Variants in RASA3 observed in about 807,000 individuals in gnomAD.
The protein encoded by RASA3 is RAS p21 protein activator 3.
In RASA3, 73 loss-of-function variants were observed where a neutral mutation model predicts 110.0. The ratio of observed to expected loss-of-function variants is 0.66; its 90% CI spans 0.55 to 0.81. The LOEUF is 0.81. Ranked by LOEUF, RASA3 falls within the 30% of genes least tolerant of loss-of-function variation. The pLI, the probability that RASA3 is intolerant of heterozygous loss-of-function variation, is 0.00. For missense variants in RASA3, 976 were observed against 1,113.2 expected (o/e 0.88, Z 1.75); for synonymous variants, 500 against 451.4 (o/e 1.11, Z -1.37).
chr13:114,015,411 G>A, intron 13 of RASA3, 79 bp from the exon 14 acceptor site: 5 of 1,570,852 alleles, frequency 3.2e-6, no homozygotes, highest in Non-Finnish European at 3.5e-6. Flanking sequence ...GCCCAGGGAG[G>A]GGCGCGTGGG....
chr13:114,069,455 TTGGGGGGCTGG>T (rs2079517142), intron 2 of RASA3, among the ~76,000 whole-genome samples: 2 of 63,230 alleles, frequency 3.2e-5, no homozygotes, highest in Middle Eastern at 0.011. Context: ...ACCGGGAGAC[TTGGGGGGCTGG>T]GAGACTCGGG....
At chr13:114,012,326 G>A (rs532178840) in intron 15 of RASA3, among the ~76,000 whole-genome samples, 18 of 147,984 alleles carry the variant, frequency 1.2e-4, no homozygotes, top group African/African-American at 4.0e-4. Flanking sequence ...CCCACGCACC[G>A]TCCACACACT....
rs139733851 is a variant in RASA3, at chr13:114,034,483, G to A, written c.373-4596C>T. Among the ~76,000 whole-genome samples the A allele has an allele frequency of 8.2e-3, 1,249 of 152,264 alleles. 22 individuals carry two copies. The highest frequency in any genetic ancestry group is 0.028 in the African/African-American group (1,173 of 41,536). On this transcript the variant is annotated intron_variant, in intron 4 of 23. Transcript: ENST00000334062. ...CCGTGTGCTCTCCCGGCTCCTGGCC[G>A]GGTCCAGGGGCACCTGGCTGGTCAC...
chr13:114,092,896 C>T (rs1403031790), intron 1 of RASA3, among the ~76,000 whole-genome samples: 1 of 152,080 alleles, frequency 6.6e-6, no homozygotes, highest in African/African-American at 2.4e-5. Flanking sequence ...GCTGAATTGA[C>T]CTCCTTTTGT....
chr13:114,033,333 C>A (rs548098943), intron 4 of RASA3, among the ~76,000 whole-genome samples: 2 of 88,440 alleles, frequency 2.3e-5, no homozygotes, highest in Non-Finnish European at 4.4e-5. Flanking sequence ...CGTTCCACGG[C>A]ACCCCCACAC....
In RASA3 at chr13:114,056,036, C is replaced by T. The variant is rs1266867107; in HGVS notation, c.174-3881G>A. Among the ~76,000 whole-genome samples the T allele has an allele frequency of 6.6e-6, 1 of 152,210 alleles. No individual in the cohort carries two copies. Among genetic ancestry groups the T allele is most frequent in the African/African-American group, 2.4e-5 (1 of 41,462 alleles). ...GCTTGTCAGGAAGCTGCAGCAGCTT[C>T]AGAGCAACCCAGGCCTCGGGGTTCA... is the stretch of plus-strand genomic sequence containing the variant. On this transcript the variant is annotated intron_variant, in intron 2 of 23. Transcript: ENST00000334062. This position sits in a 1 kb window ranked among gnomAD's most constrained non-coding sequence, Gnocchi z 5.7.
At chr13:114,076,979 G>A (rs1445917841) in intron 1 of RASA3, among the ~76,000 whole-genome samples, 1 of 152,052 alleles carries the variant, frequency 6.6e-6, no homozygotes, top group African/African-American at 2.4e-5. Context: ...TTTTTGTTTT[G>A]TTTTCTGGGA....
chr13:114,105,475 G>A (rs2080120866), intron 1 of RASA3, among the ~76,000 whole-genome samples: 1 of 152,264 alleles, frequency 6.6e-6, no homozygotes, highest in South Asian at 2.1e-4. Flanking sequence ...GGGGAAAAGG[G>A]CTCAGGAGGC....
chr13:114,059,461 C>T (rs2079300811), intron 2 of RASA3, among the ~76,000 whole-genome samples: 1 of 152,256 alleles, frequency 6.6e-6, no homozygotes, highest in South Asian at 2.1e-4. Context: ...GCACAGGTGC[C>T]CACACGGGCC....
chr13:114,071,400 A>C (rs1031135644), intron 2 of RASA3, among the ~76,000 whole-genome samples: 2 of 152,212 alleles, frequency 1.3e-5, no homozygotes, highest in African/African-American at 4.8e-5. Flanking sequence ...ACTGGCTCTG[A>C]TTCAGCGGGT....
rs762400652 is a variant in RASA3, at chr13:113,995,743, GGGGCCCGGCTGAC to G, written c.2141+775_2141+787del. Among the ~76,000 whole-genome samples the G allele has an allele frequency of 4.8e-3, 381 of 78,574 alleles. 89 individuals are homozygous for G. The highest frequency in any genetic ancestry group is 6.4e-3 in the Non-Finnish European group (260 of 40,450). The allele number at this position is 78,574 out of a possible 152,430, so 51.5% of individuals were successfully genotyped here. ...CAGCTGATGGGGGGCCCGGCTGACG[GGGGCCCGGCTGAC>G]GGGGGCCCGGCTGACGGGGGGCCCG... On this transcript the variant is annotated intron_variant, in intron 21 of 23. Coordinates refer to ENST00000334062, the MANE Select transcript of RASA3 (RefSeq NM_007368.4).
chr13:114,018,642 A>G, intron 10 of RASA3, 121 bp downstream of exon 10: 1 of 1,250,396 alleles, frequency 8.0e-7, no homozygotes, highest in Non-Finnish European at 1.1e-6. Context: ...CCAGGCTGGG[A>G]GGCGTGGGAA....
intron 1 of RASA3, among the ~76,000 whole-genome samples, chr13:114,088,238 T>C (rs2079846274): frequency 6.6e-6 from 1 of 152,230 alleles, no homozygotes; most frequent in Admixed American, 6.5e-5. Flanking sequence ...ATTTTGGAAA[T>C]GTCAATGATT....
intron 2 of RASA3, among the ~76,000 whole-genome samples, chr13:114,055,221 G>C (rs991745359): frequency 6.6e-6 from 1 of 152,230 alleles, no homozygotes; most frequent in Non-Finnish European, 1.5e-5. Context: ...GTGCTCACAG[G>C]CATGTGTGCA....
intron 20 of RASA3, among the ~76,000 whole-genome samples, chr13:113,998,878 C>G (rs1594293847): frequency 6.6e-6 from 1 of 152,340 alleles, no homozygotes; most frequent in South Asian, 2.1e-4. Context: ...GAACCACAGC[C>G]GGAAGAACGG....
chr13:114,078,325 CTTT>C (rs67316614), intron 1 of RASA3, among the ~76,000 whole-genome samples: 16 of 152,232 alleles, frequency 1.1e-4, no homozygotes, highest in Non-Finnish European at 1.6e-4. Flanking sequence ...CACGTTTTCT[CTTT>C]TTTTTCTGGT....
At chr13:113,997,162 C>T (rs1355946331) in intron 20 of RASA3, among the ~76,000 whole-genome samples, 1 of 152,202 alleles carries the variant, frequency 6.6e-6, no homozygotes, top group African/African-American at 2.4e-5. Flanking sequence ...CCCAGGTGGC[C>T]CGGCCTGCTC....
At chr13:113,979,719 G>A (rs1424856083) in intron 23 of RASA3, among the ~76,000 whole-genome samples, 2 of 152,184 alleles carry the variant, frequency 1.3e-5, no homozygotes, top group Non-Finnish European at 2.9e-5. Context: ...CACGTGTGCA[G>A]AATGTGCACA....
chr13:114,116,701 C>A (rs1370486416), intron 1 of RASA3, among the ~76,000 whole-genome samples: 1 of 152,194 alleles, frequency 6.6e-6, no homozygotes, highest in Non-Finnish European at 1.5e-5. Flanking sequence ...ATGGAGCCTG[C>A]AGGTTTGGAG....
Sources: gnomAD v4.1 joint callset for allele counts (sites outside exome capture counted in the v4.1 genomes callset) on GRCh38, gnomAD v4.1.1 for gene constraint, Gnocchi (gnomAD v3.1) non-coding constraint, MANE v1.5 for transcripts, NCBI Gene and HGNC (gene_info 2026-07-23, HGNC 2026-07-21) for gene names.